The following DNAH17 variants were observed in gnomAD, a reference collection of about 807,000 sequenced individuals.
DNAH17 encodes dynein axonemal heavy chain 17, also known as axonemal beta dynein heavy chain 17.
DNAH17 carries 376 observed loss-of-function variants against 485.6 expected under a neutral mutation model. That is an observed-to-expected ratio of 0.77 (90% CI 0.71 to 0.84). The LOEUF is 0.84. Among genes scored for constraint, DNAH17 ranks in the 40% least tolerant of loss-of-function variants. DNAH17 has a pLI of 0.00. For missense variants in DNAH17, 6,370 were observed against 5,839.3 expected (o/e 1.09, Z -2.96); for synonymous variants, 3,031 against 2,405.9 (o/e 1.26, Z -7.60).
In DNAH17 at chr17:78,450,981, G is replaced by C. The variant is rs1490099298; in HGVS notation, c.10735-135C>G. 6 of 1,137,796 alleles carry C rather than the reference G, an allele frequency of 5.3e-6. No individual in the cohort carries two copies. The Admixed American group carries it at 6.9e-5, about 13-fold the overall frequency. 70.5% of individuals were successfully genotyped at this position (1,137,796 alleles called of 1,614,324 possible). A position where few individuals can be genotyped will look rare whatever the true frequency, so the allele number is the denominator to read the frequency against. On this transcript the variant is annotated intron_variant, in intron 66 of 80. Transcript: ENST00000389840. The stretch of plus-strand genomic sequence containing the variant: ...AGGAACGAGCTCAGGTCCTGGAAGG[G>C]GCTGCAGAAGCAGAGCCCCTGGAAC...
intron 16 of DNAH17, 81 bp downstream of exon 16, chr17:78,551,453 TG>T: frequency 7.7e-7 from 1 of 1,291,448 alleles, no homozygotes; most frequent in Non-Finnish European, 1.1e-6. Context: ...GCACTTTCCA[TG>T]GGCCTCTACG....
chr17:78,519,235 G>C (rs973484802), intron 25 of DNAH17, among the ~76,000 whole-genome samples: 4 of 149,742 alleles, frequency 2.7e-5, no homozygotes, highest in Non-Finnish European at 5.9e-5. Flanking sequence ...GGGTCAAAGA[G>C]GAAGCCTCAA....
At chr17:78,443,573 A>G (rs934740633) in intron 71 of DNAH17, among the ~76,000 whole-genome samples, 4 of 151,756 alleles carry the variant, frequency 2.6e-5, no homozygotes, top group Non-Finnish European at 5.9e-5. Context: ...ATTTTGAGGC[A>G]GGGTCTCGCT....
intron 31 of DNAH17, among the ~76,000 whole-genome samples, chr17:78,503,530 C>G (rs776007818): frequency 1.3e-5 from 2 of 151,992 alleles, no homozygotes; most frequent in Non-Finnish European, 1.5e-5. Flanking sequence ...TCTGCTGCCC[C>G]GGCTGCTGTG....
Position 78,426,530 on chromosome 17 carries a change from G to A in DNAH17, c.12842C>T (p.Thr4281Met), listed in dbSNP as rs769117936. 19 of 1,613,612 alleles carry A rather than the reference G, an allele frequency of 1.2e-5. No homozygotes were observed. The highest frequency in any genetic ancestry group is 6.7e-5 in the African/African-American group (5 of 74,940). ...GGAGGGGTAGGCCCGGGCCACCCAC[G>A]TATCAGGCACGGTGTCATAGAAGAG... Reference protein sequence around the residue: ...TALFYDTVPDTWVARAYPSMM... With the variant: ...TALFYDTVPDMWVARAYPSMM... The change falls in exon 79 of 81, where the codon ACG becomes ATG. Residue 4281 changes from threonine to methionine, a missense_variant. Physicochemically the swap from Thr to Met is moderately conservative, Grantham distance 81. Coordinates refer to ENST00000389840, the MANE Select transcript of DNAH17 (RefSeq NM_173628.4).
chr17:78,524,968 A>T, intron 25 of DNAH17, 41 bp downstream of exon 25: 1 of 1,577,030 alleles, frequency 6.3e-7, no homozygotes, highest in South Asian at 1.1e-5. Flanking sequence ...AGCTCCCTGC[A>T]GAATCCCGGG....
chr17:78,551,350 C>A (rs1441539386), intron 16 of DNAH17, among the ~76,000 whole-genome samples, 185 bp downstream of exon 16: 1 of 152,226 alleles, frequency 6.6e-6, no homozygotes, highest in African/African-American at 2.4e-5. Flanking sequence ...TTTCACAGAG[C>A]AACTGGGCTC....
rs758035733 is a variant in DNAH17, at chr17:78,525,009, C to G, written c.3864G>C (p.Val1288=). The G allele has an allele frequency of 4.3e-6, 7 of 1,611,942 alleles. No homozygotes were observed. Among genetic ancestry groups the G allele is most frequent in the Non-Finnish European group, 5.9e-6 (7 of 1,178,604 alleles). ...CCCACGCGGCGTGCCCTGCACTCACCACAACAACCATGTCCCAGAGCTCCT... is the reference window on the plus strand; with the variant it reads ...CCCACGCGGCGTGCCCTGCACTCACGACAACAACCATGTCCCAGAGCTCCT... The part of the protein sequence containing the change: ...LLKELWDMVV[V]VNTSIEDWKT... The change falls in exon 25 of 81, where the codon GTG becomes GTC. Residue 1288 remains valine (V), a splice_region_variant and synonymous_variant. Transcript: ENST00000389840.
intron 65 of DNAH17, among the ~76,000 whole-genome samples, 154 bp downstream of exon 65, chr17:78,453,189 G>A (rs1010061853): frequency 1.3e-5 from 2 of 152,136 alleles, no homozygotes; most frequent in Non-Finnish European, 2.9e-5. Context: ...CAGGAGCTGG[G>A]GGTTCCTTCC....
intron 48 of DNAH17, among the ~76,000 whole-genome samples, chr17:78,484,448 G>A (rs773557498): frequency 6.6e-6 from 1 of 152,124 alleles, no homozygotes; most frequent in African/African-American, 2.4e-5. Flanking sequence ...CTCTGCTGGG[G>A]CTCCCAGCTG....
intron 11 of DNAH17, 141 bp from the exon 12 acceptor site, chr17:78,562,121 C>T (rs886679140): frequency 9.5e-7 from 1 of 1,055,694 alleles, no homozygotes; most frequent in Non-Finnish European, 1.3e-6. Context: ...CCACTGGAAC[C>T]TTTGTGTGTG....
chr17:78,573,590 A>G (rs2092390439), intron 2 of DNAH17, among the ~76,000 whole-genome samples: 1 of 137,056 alleles, frequency 7.3e-6, no homozygotes, highest in African/African-American at 3.0e-5. Flanking sequence ...CAGAGCAAAA[A>G]TACTGTCAAA....
intron 1 of DNAH17, among the ~76,000 whole-genome samples, chr17:78,577,080 GTC>G (rs1473648267): frequency 6.6e-6 from 1 of 152,162 alleles, no homozygotes; most frequent in Non-Finnish European, 1.5e-5. Flanking sequence ...GCAGGGAAGA[GTC>G]TGGAGCCCTG....
At chr17:78,475,174 G>GGAT (rs1487526159) in intron 54 of DNAH17, 104 bp downstream of exon 54, 3 of 1,304,984 alleles carry the variant, frequency 2.3e-6, no homozygotes, top group Non-Finnish European at 3.2e-6. Context: ...GGTGATGCTC[G>GGAT]GATTCCCTGT....
chr17:78,508,529 G>C (rs1300319046), intron 27 of DNAH17, among the ~76,000 whole-genome samples: 1 of 152,210 alleles, frequency 6.6e-6, no homozygotes, highest in Admixed American at 6.5e-5. Flanking sequence ...TTCTCCTCTT[G>C]ATCTATCTTA....
intron 2 of DNAH17, 87 bp downstream of exon 2, chr17:78,574,626 G>GACTCC: frequency 4.2e-6 from 5 of 1,190,144 alleles, no homozygotes; most frequent in Non-Finnish European, 5.9e-6. Context: ...CTGGCCCAGG[G>GACTCC]ACTCCAGGCT....
intron 11 of DNAH17, among the ~76,000 whole-genome samples, chr17:78,563,510 C>CT (rs774608637): frequency 2.0e-3 from 156 of 79,364 alleles, no homozygotes; most frequent in Non-Finnish European, 3.6e-3. Context: ...GAAGACCCAT[C>CT]ATCCAGACAA....
At chr17:78,510,362 C>T (rs374108510) in intron 27 of DNAH17, 22 bp downstream of exon 27, 163 of 1,610,464 alleles carry the variant, frequency 1.0e-4, no homozygotes, top group Non-Finnish European at 1.3e-4. Context: ...GTTGCACAGA[C>T]AGCACCGCCA....
At chr17:78,437,900 T>C in intron 73 of DNAH17, 32 bp from the exon 74 acceptor site, 1 of 1,544,740 alleles carries the variant, frequency 6.5e-7, no homozygotes, top group Non-Finnish European at 8.9e-7. Context: ...GGTTACACAC[T>C]TTGCCCAGCT....
Sources: allele counts gnomAD v4.1 joint callset (sites outside exome capture counted in the v4.1 genomes callset), GRCh38; gene constraint gnomAD v4.1.1; transcripts MANE v1.5; gene names NCBI Gene and HGNC (gene_info 2026-07-23, HGNC 2026-07-21).